Variants in STPG2 observed in about 807,000 individuals in gnomAD.
STPG2 encodes sperm tail PG-rich repeat containing 2.
In STPG2, 56 loss-of-function variants were observed where a neutral mutation model predicts 54.2. The ratio of observed to expected loss-of-function variants is 1.03; its 90% confidence interval spans 0.83 to 1.29. The LOEUF (loss-of-function observed/expected upper bound fraction) is 1.29. STPG2 is among the 50% of genes most tolerant of loss of function. The pLI, the probability that STPG2 is intolerant of heterozygous loss-of-function variation, is 0.00. For synonymous variants in STPG2, 200 were observed against 181.8 expected, an observed-to-expected ratio of 1.10 and a Z score of -0.81; for missense variants, 596 against 544.9, an observed-to-expected ratio of 1.09 and a Z score of -0.93.
chr4:97,849,207 G>A, intron 8 of STPG2, among the ~76,000 whole-genome samples: 1 of 149,568 alleles, frequency 6.7e-6, no homozygotes, highest in Admixed American at 6.7e-5. Flanking sequence ...CCTTGAAGAG[G>A]TCCTTCACAT....
chr4:98,038,563 A>C (rs1254152065), intron 5 of STPG2, among the ~76,000 whole-genome samples: 1 of 152,080 alleles, frequency 6.6e-6, no homozygotes, highest in Admixed American at 6.6e-5. Context: ...ACACAAAAAA[A>C]AGTGTTCCAC....
chr4:97,575,992 G>C (rs538596882), intron 10 of STPG2, among the ~76,000 whole-genome samples: 111 of 152,056 alleles, frequency 7.3e-4, no homozygotes, highest in African/African-American at 2.7e-3. Flanking sequence ...GAGTCAAATA[G>C]AGAATGCAAT....
chr4:97,443,405 A>G (rs1463872363), intron 4 of STPG2, among the ~76,000 whole-genome samples: 1 of 152,136 alleles, frequency 6.6e-6, no homozygotes, highest in African/African-American at 2.4e-5. Context: ...TCCTTAAGAC[A>G]TTTGCTAAAT....
chr4:97,528,371 G>A (rs1405447867), intron 4 of STPG2, among the ~76,000 whole-genome samples: 2 of 152,024 alleles, frequency 1.3e-5, no homozygotes, highest in Non-Finnish European at 2.9e-5. Flanking sequence ...ATCTGTTTTG[G>A]TACCAGTATC....
chr4:97,850,644 A>G lies in STPG2; in HGVS notation c.1045-9712T>C, dbSNP rs537457668. 1.1e-3 allele frequency among the ~76,000 whole-genome samples: 162 copies of G among 151,968 alleles called. 2 individuals are homozygous for G. In the South Asian group the frequency reaches 0.019, roughly 18 times the overall value. On this transcript the variant is annotated intron_variant, in intron 8 of 10. Coordinates refer to ENST00000295268, the MANE Select transcript of STPG2 (RefSeq NM_174952.3). Reference sequence around the variant, plus strand: ...TGCAAAAAATAAAATAAAATAAAGAAGAGAAAGGGTAAAAACCAAAAATTG... The same window carrying G: ...TGCAAAAAATAAAATAAAATAAAGAGGAGAAAGGGTAAAAACCAAAAATTG...
chr4:97,604,844 C>T (rs1733554272), intron 10 of STPG2, among the ~76,000 whole-genome samples: 2 of 151,734 alleles, frequency 1.3e-5, no homozygotes, highest in Non-Finnish European at 3.0e-5. Context: ...ATGCCTTTCC[C>T]TTCTCCATTT....
chr4:98,074,624 C>T (rs1738103713), intron 5 of STPG2, among the ~76,000 whole-genome samples: 1 of 152,114 alleles, frequency 6.6e-6, no homozygotes, highest in African/African-American at 2.4e-5. Flanking sequence ...GTTTTTCAGT[C>T]TAAATATTTT....
At chr4:97,498,554 A>G (rs1344854624) in intron 4 of STPG2, among the ~76,000 whole-genome samples, 2 of 151,904 alleles carry the variant, frequency 1.3e-5, no homozygotes, top group Non-Finnish European at 2.9e-5. Flanking sequence ...TATACAGTTT[A>G]GGCAAATGTT....
chr4:97,707,391 C>T (rs371147430), intron 10 of STPG2, among the ~76,000 whole-genome samples: 20 of 152,026 alleles, frequency 1.3e-4, no homozygotes, highest in Non-Finnish European at 2.5e-4. Flanking sequence ...TATGGTGGTG[C>T]GTGCTTGTAG....
chr4:97,948,294 T>A (rs1433085503), intron 7 of STPG2, among the ~76,000 whole-genome samples: 3 of 152,086 alleles, frequency 2.0e-5, no homozygotes, highest in East Asian at 3.9e-4. Flanking sequence ...ATTGACCTTA[T>A]TTGAATCTCC....
intron 9 of STPG2, among the ~76,000 whole-genome samples, chr4:97,802,056 C>T (rs1304589604): frequency 6.6e-6 from 1 of 152,104 alleles, no homozygotes; most frequent in East Asian, 1.9e-4. Context: ...GTCAGGTAAG[C>T]GTCTAAGAAT....
intron 5 of STPG2, among the ~76,000 whole-genome samples, chr4:98,100,092 C>A (rs543872366): frequency 1.3e-5 from 2 of 152,038 alleles, no homozygotes; most frequent in African/African-American, 4.8e-5. Context: ...ACTCTTTAAA[C>A]TATTTTACTA....
chr4:97,659,447 T>C (rs1722311536), intron 10 of STPG2, among the ~76,000 whole-genome samples: 1 of 152,188 alleles, frequency 6.6e-6, no homozygotes, highest in South Asian at 2.1e-4. Flanking sequence ...GGAAGGGATC[T>C]ACTTCATAAA....
chr4:97,694,880 C>A (rs1325327973), intron 10 of STPG2, among the ~76,000 whole-genome samples: 2 of 127,708 alleles, frequency 1.6e-5, no homozygotes, highest in Admixed American at 1.7e-4. Flanking sequence ...CAGAGGCAGA[C>A]AGATTCACAG....
chr4:97,806,313 C>G (rs1245361696), intron 9 of STPG2, among the ~76,000 whole-genome samples: 1 of 151,992 alleles, frequency 6.6e-6, no homozygotes, highest in Non-Finnish European at 1.5e-5. Context: ...GGAAGCTAAA[C>G]ACTGGGTATA....
At chr4:98,030,093 T>C (rs1016633726) in intron 5 of STPG2, among the ~76,000 whole-genome samples, 3 of 152,170 alleles carry the variant, frequency 2.0e-5, no homozygotes, top group African/African-American at 7.2e-5. Flanking sequence ...AATCTTCCAT[T>C]ATCCGGTTTG....
chr4:97,511,800 C>G (rs1392428173), intron 4 of STPG2, among the ~76,000 whole-genome samples: 1 of 151,494 alleles, frequency 6.6e-6, no homozygotes, highest in Non-Finnish European at 1.5e-5. Context: ...TAATTAATTT[C>G]CTACATAAAA....
At chr4:97,563,393 C>A (rs1732317248) in intron 10 of STPG2, among the ~76,000 whole-genome samples, 2 of 152,134 alleles carry the variant, frequency 1.3e-5, no homozygotes, top group Non-Finnish European at 2.9e-5. Flanking sequence ...AAACCAGCTC[C>A]TGGATTCATT....
At chr4:97,996,359 C>T (rs976010243) in intron 5 of STPG2, among the ~76,000 whole-genome samples, 3 of 152,154 alleles carry the variant, frequency 2.0e-5, no homozygotes, top group Non-Finnish European at 4.4e-5. Context: ...GAAAGAACTC[C>T]TCGTTTAATA....
Sources: allele counts gnomAD v4.1 joint callset (sites outside exome capture counted in the v4.1 genomes callset), GRCh38; gene constraint gnomAD v4.1.1; transcripts MANE v1.5; gene names NCBI Gene and HGNC (gene_info 2026-07-23, HGNC 2026-07-21).